Variants in CYP2C18 observed in about 807,000 individuals in gnomAD.
CYP2C18 encodes the protein cytochrome P450 2C18.
In CYP2C18, 38 loss-of-function variants were observed where a neutral mutation model predicts 41.3. That is an observed-to-expected ratio of 0.92 (90% CI 0.71 to 1.21). The LOEUF (loss-of-function observed/expected upper bound fraction) is 1.21, where lower values mean the gene tolerates loss of function less well. Among genes scored for constraint, CYP2C18 ranks in the 50% most tolerant of loss-of-function variants. The probability of loss-of-function intolerance (pLI) is 0.00; values close to 1 mark genes in which losing one functional copy is unlikely to be tolerated. For synonymous variants in CYP2C18, 236 were observed against 210.0 expected, an observed-to-expected ratio of 1.12 and a Z score of -1.07; for missense variants, 635 against 591.4, an observed-to-expected ratio of 1.07 and a Z score of -0.77.
At chr10:94,717,229 G>A (rs761066612) in intron 5 of CYP2C18, among the ~76,000 whole-genome samples, 1 of 152,150 alleles carries the variant, frequency 6.6e-6, no homozygotes, top group African/African-American at 2.4e-5. Flanking sequence ...TCATTATGAT[G>A]TTAGCTGGTT....
chr10:94,723,775 C>CT (rs138007790), intron 6 of CYP2C18, among the ~76,000 whole-genome samples: 38,994 of 151,604 alleles, frequency 0.26, 5,302 homozygotes, highest in South Asian at 0.45. Flanking sequence ...TAGAAATTTT[C>CT]AAAGATAAAT....
chr10:94,734,136 A>T (rs775114598), intron 8 of CYP2C18, among the ~76,000 whole-genome samples: 2 of 152,138 alleles, frequency 1.3e-5, no homozygotes, highest in Non-Finnish European at 2.9e-5. Flanking sequence ...TTTTCTGTAG[A>T]TCTAGGGGGT....
chr10:94,711,553 G>A (rs1310164974), intron 5 of CYP2C18, among the ~76,000 whole-genome samples: 2 of 151,970 alleles, frequency 1.3e-5, no homozygotes, highest in East Asian at 3.9e-4. Context: ...GACTGCAGGT[G>A]CACATCACCA....
intron 4 of CYP2C18, among the ~76,000 whole-genome samples, chr10:94,695,859 C>A (rs184567424): frequency 6.6e-6 from 1 of 152,248 alleles, no homozygotes; most frequent in Non-Finnish European, 1.5e-5. Context: ...TCAGAGGGTC[C>A]TACACCCATG....
chr10:94,692,955 T>C (rs1464298851), intron 3 of CYP2C18, among the ~76,000 whole-genome samples: 2 of 151,856 alleles, frequency 1.3e-5, no homozygotes, highest in African/African-American at 4.8e-5. Context: ...TAGGTGGGAA[T>C]TGAACAATGA....
intron 4 of CYP2C18, 63 bp downstream of exon 4, chr10:94,695,140 T>A: frequency 7.1e-7 from 1 of 1,398,742 alleles, no homozygotes; most frequent in Non-Finnish European, 9.7e-7. Flanking sequence ...CAGTCCAATT[T>A]TTTTAATTTT....
intron 4 of CYP2C18, among the ~76,000 whole-genome samples, chr10:94,701,321 G>A (rs1174778632): frequency 6.6e-6 from 1 of 152,166 alleles, no homozygotes; most frequent in Non-Finnish European, 1.5e-5. Context: ...CCTTTGTAAG[G>A]ACATGGATGA....
At chr10:94,726,224 G>A (rs750466456) in intron 7 of CYP2C18, among the ~76,000 whole-genome samples, 1 of 151,646 alleles carries the variant, frequency 6.6e-6, no homozygotes, top group African/African-American at 2.4e-5. Flanking sequence ...TATACTTTAA[G>A]TTCTGGGATA....
intron 3 of CYP2C18, among the ~76,000 whole-genome samples, chr10:94,690,511 A>G (rs1287696034): frequency 6.6e-6 from 1 of 152,238 alleles, no homozygotes; most frequent in Non-Finnish European, 1.5e-5. Context: ...GAATAGACCA[A>G]TAACAGTCTC....
chr10:94,689,444 A>G (rs1219151196), intron 3 of CYP2C18, among the ~76,000 whole-genome samples: 1 of 152,032 alleles, frequency 6.6e-6, no homozygotes, highest in Admixed American at 6.6e-5. Flanking sequence ...GTTCCTAGAG[A>G]TAGCAAATGT....
rs115900813 is a variant in CYP2C18 at position 94,718,295 on chromosome 10, G to A, written c.820-2101G>A. On this transcript the variant is annotated intron_variant, in intron 5 of 8. Transcript: ENST00000285979. ...CTATTAATTTTTGTGTGTTGATTTT[G>A]TATCCTGCAACTTTACTGAATTTAA... is the stretch of plus-strand genomic sequence containing the variant. 3.4e-3 allele frequency among the ~76,000 whole-genome samples: 512 copies of A among 151,996 alleles called. 2 individuals carry two copies. Among genetic ancestry groups the A allele is most frequent in the African/African-American group, 0.012 (496 of 41,490 alleles).
chr10:94,724,799 A>G (rs1225362390), intron 7 of CYP2C18, among the ~76,000 whole-genome samples: 2 of 151,754 alleles, frequency 1.3e-5, no homozygotes, highest in African/African-American at 2.4e-5. Flanking sequence ...TACATTTCCA[A>G]GTAAGTGTTG....
At chr10:94,718,196 CT>C (rs1427113619) in intron 5 of CYP2C18, among the ~76,000 whole-genome samples, 3 of 151,670 alleles carry the variant, frequency 2.0e-5, no homozygotes, top group Admixed American at 2.0e-4. Context: ...TACTTTATTT[CT>C]TTGATGCTAT....
At chr10:94,735,231 A>G in intron 8 of CYP2C18, 32 bp from the exon 9 acceptor site, 1 of 1,607,634 alleles carries the variant, frequency 6.2e-7, no homozygotes, top group Non-Finnish European at 8.5e-7. Context: ...CTAATGTTCA[A>G]GGAACAAATC....
At chr10:94,722,398 A>G (rs1181837983) in intron 6 of CYP2C18, among the ~76,000 whole-genome samples, 2 of 152,170 alleles carry the variant, frequency 1.3e-5, no homozygotes, top group African/African-American at 4.8e-5. Context: ...TGGGGTCAGA[A>G]TCACACTGAA....
At chr10:94,709,372 C>G (rs1028003459) in intron 5 of CYP2C18, among the ~76,000 whole-genome samples, 4 of 152,112 alleles carry the variant, frequency 2.6e-5, no homozygotes, top group African/African-American at 9.7e-5. Context: ...AAATAATTTT[C>G]TCTTGTGCTT....
intron 7 of CYP2C18, among the ~76,000 whole-genome samples, chr10:94,727,014 C>T (rs79793875): frequency 0.032 from 4,863 of 151,956 alleles, 125 homozygotes; most frequent in Middle Eastern, 0.13. Context: ...TATTGAGCAC[C>T]GGAAGTGTAA....
intron 4 of CYP2C18, among the ~76,000 whole-genome samples, chr10:94,700,750 C>A (rs918307789): frequency 6.6e-6 from 1 of 152,162 alleles, no homozygotes; most frequent in African/African-American, 2.4e-5. Flanking sequence ...TATCCAGAAT[C>A]TACAATGAAC....
intron 4 of CYP2C18, 66 bp from the exon 5 acceptor site, chr10:94,706,718 A>C: frequency 4.6e-6 from 4 of 863,984 alleles, no homozygotes; most frequent in Non-Finnish European, 7.0e-6. Context: ...TTAAACCAGC[A>C]GTTGACTTAT....
Sources: gnomAD v4.1 joint callset for allele counts (sites outside exome capture counted in the v4.1 genomes callset) on GRCh38, gnomAD v4.1.1 for gene constraint, MANE v1.5 for transcripts, NCBI Gene and HGNC (gene_info 2026-07-23, HGNC 2026-07-21) for gene names.